The following OPHN1 variants were observed in gnomAD, a reference collection of about 807,000 sequenced individuals.
The protein encoded by OPHN1 is oligophrenin-1.
Under a neutral mutation model 60.7 loss-of-function variants are expected in OPHN1, and 11 were observed. That is an observed-to-expected ratio of 0.18 (90% confidence interval 0.11 to 0.30). The LOEUF (loss-of-function observed/expected upper bound fraction) is 0.30. Ranked by LOEUF, OPHN1 falls within the 10% of genes least tolerant of loss-of-function variation. The probability of loss-of-function intolerance (pLI) is 1.00; values close to 1 mark genes in which losing one functional copy is unlikely to be tolerated. For missense variants in OPHN1, 449 were observed against 611.0 expected (o/e 0.73, Z 2.80); for synonymous variants, 226 against 222.6 (o/e 1.02, Z -0.14).
chrX:68,430,317 A>G (rs1482289315), intron 2 of OPHN1, among the ~76,000 whole-genome samples: 2 of 111,745 alleles, frequency 1.8e-5, no homozygotes, highest in African/African-American at 3.3e-5. Context: ...TTTAGAATCC[A>G]TGCAATTGAA....
intron 5 of OPHN1, among the ~76,000 whole-genome samples, chrX:68,262,700 G>C (rs1190234883): frequency 1.8e-5 from 2 of 112,022 alleles, no homozygotes; most frequent in Admixed American, 1.9e-4. Flanking sequence ...GGGAAAAGAA[G>C]CGCTTGAACC....
intron 2 of OPHN1, among the ~76,000 whole-genome samples, chrX:68,332,608 T>G (rs760478665): frequency 1.1e-4 from 12 of 111,648 alleles, no homozygotes; most frequent in Admixed American, 2.9e-4. Context: ...CTTGCCTTTT[T>G]CAAATTTGCT....
intron 2 of OPHN1, among the ~76,000 whole-genome samples, chrX:68,399,922 T>C (rs1325648443): frequency 9.3e-6 from 1 of 107,865 alleles, no homozygotes; most frequent in African/African-American, 3.4e-5. Flanking sequence ...GCCTCCCGGG[T>C]CCAAGCAATT....
chrX:68,058,869 A>G (rs572931), intron 21 of OPHN1, among the ~76,000 whole-genome samples: 23,884 of 111,598 alleles, frequency 0.21, 3,172 homozygotes, highest in African/African-American at 0.49. Flanking sequence ...CTCCTATGAA[A>G]GCAAAACAAC....
chrX:68,086,181 C>CAAAAA (rs779219029), intron 19 of OPHN1, among the ~76,000 whole-genome samples: 2 of 71,217 alleles, frequency 2.8e-5, no homozygotes, highest in Non-Finnish European at 5.4e-5. Flanking sequence ...ACTCTGTCTC[C>CAAAAA]AAAAAAAAAA....
intron 15 of OPHN1, among the ~76,000 whole-genome samples, chrX:68,189,369 T>A (rs1036388003): frequency 2.7e-5 from 3 of 112,013 alleles, no homozygotes; most frequent in African/African-American, 9.7e-5. Context: ...TAATTTTTTT[T>A]TTATACTTTA....
At chrX:68,112,046 C>T in intron 17 of OPHN1, 87 bp from the exon 18 acceptor site, 1 of 449,552 alleles carries the variant, frequency 2.2e-6, no homozygotes, top group Non-Finnish European at 3.9e-6. Flanking sequence ...CACAAACACA[C>T]ACACATGCAC....
chrX:68,169,228 G>A (rs979609909), intron 15 of OPHN1, among the ~76,000 whole-genome samples: 1 of 111,334 alleles, frequency 9.0e-6, no homozygotes, highest in African/African-American at 3.3e-5. Context: ...TACAAGGGAC[G>A]TGAAGGAACT....
intron 2 of OPHN1, 124 bp from the exon 3 acceptor site, chrX:68,299,220 T>C: frequency 2.4e-6 from 1 of 413,306 alleles, no homozygotes; most frequent in Admixed American, 3.2e-5. Context: ...GCAACTAGCA[T>C]TTAATGAAAT....
chrX:68,187,186 G>A (rs970565752), intron 15 of OPHN1, among the ~76,000 whole-genome samples: 3 of 111,903 alleles, frequency 2.7e-5, no homozygotes, highest in African/African-American at 9.7e-5. Context: ...TATGTAGTAG[G>A]CAGATTTCTG....
intron 15 of OPHN1, among the ~76,000 whole-genome samples, chrX:68,176,707 C>T (rs980416355): frequency 5.4e-5 from 6 of 111,177 alleles, no homozygotes; most frequent in African/African-American, 9.8e-5. Context: ...CCCATTTATG[C>T]TGGCAGTTGC....
At chrX:68,392,320 A>G (rs1483099970) in intron 2 of OPHN1, among the ~76,000 whole-genome samples, 2 of 111,960 alleles carry the variant, frequency 1.8e-5, no homozygotes, top group African/African-American at 6.5e-5. Flanking sequence ...TAATACATAT[A>G]CAAAATATGT....
At chrX:68,147,140 C>T (rs1340364396) in intron 15 of OPHN1, among the ~76,000 whole-genome samples, 1 of 111,493 alleles carries the variant, frequency 9.0e-6, no homozygotes, top group African/African-American at 3.3e-5. Flanking sequence ...ACAACGGTTT[C>T]AAGGTGTTGT....
intron 3 of OPHN1, among the ~76,000 whole-genome samples, chrX:68,294,860 T>G (rs1391071038): frequency 8.9e-6 from 1 of 112,086 alleles, no homozygotes; most frequent in African/African-American, 3.2e-5. Context: ...ATCTGCTATT[T>G]GGGAGCACTC....
chrX:68,216,488 CATTTT>C (rs997658977), intron 6 of OPHN1, among the ~76,000 whole-genome samples: 1 of 110,732 alleles, frequency 9.0e-6, no homozygotes, highest in Non-Finnish European at 1.9e-5. Context: ...TAAAAGATAT[CATTTT>C]AAATAAGATA....
intron 15 of OPHN1, among the ~76,000 whole-genome samples, chrX:68,186,033 G>T (rs1008043933): frequency 3.6e-5 from 4 of 111,528 alleles, no homozygotes; most frequent in African/African-American, 1.3e-4. Context: ...TTTTCCAGTT[G>T]CCTATACTGC....
At chrX:68,334,163 G>T (rs1176209080) in intron 2 of OPHN1, among the ~76,000 whole-genome samples, 1 of 111,324 alleles carries the variant, frequency 9.0e-6, no homozygotes, top group Non-Finnish European at 1.9e-5. Flanking sequence ...CTCCCAAGGT[G>T]CAGGGATTAC....
intron 18 of OPHN1, among the ~76,000 whole-genome samples, chrX:68,100,861 C>T (rs746758991): frequency 4.5e-5 from 5 of 110,643 alleles, no homozygotes; most frequent in African/African-American, 1.6e-4. Flanking sequence ...ATTCTCCTGC[C>T]TCAGCCTCCC....
chrX:68,062,295 G>A (rs1451012559), intron 21 of OPHN1, among the ~76,000 whole-genome samples: 1 of 112,075 alleles, frequency 8.9e-6, no homozygotes, highest in Non-Finnish European at 1.9e-5. Flanking sequence ...TTTAGGCTGT[G>A]CAGGCCATGA....
Sources: gnomAD v4.1 joint callset for allele counts (sites outside exome capture counted in the v4.1 genomes callset) on GRCh38, gnomAD v4.1.1 for gene constraint, MANE v1.5 for transcripts, NCBI Gene and HGNC (gene_info 2026-07-23, HGNC 2026-07-21) for gene names.